CCDC141: variants seen among roughly 807,000 people sequenced by gnomAD.
The protein encoded by CCDC141 is coiled-coil domain containing 141.
CCDC141 carries 168 observed loss-of-function variants against 181.0 expected under a neutral mutation model. The observed-to-expected ratio is 0.93, with a 90% CI of 0.82 to 1.05. The LOEUF is 1.05. CCDC141 is among the 50% of genes least tolerant of loss of function. The pLI, the probability that CCDC141 is intolerant of heterozygous loss-of-function variation, is 0.00. For missense variants in CCDC141, 1,902 were observed against 1,788.5 expected (o/e 1.06, Z -1.14); for synonymous variants, 666 against 642.3 (o/e 1.04, Z -0.56).
At chr2:178,873,365 G>A (rs945364586) in intron 12 of CCDC141, 6 of 151,686 alleles carry the variant, frequency 4.0e-5, no homozygotes, top group African/African-American at 7.3e-5. Flanking sequence ...GTAATAAAAC[G>A]TTATATTCCC....
chr2:179,047,451 T>C (rs908360170), intron 1 of CCDC141, 45 bp from the exon 2 acceptor site: 2 of 1,423,164 alleles, frequency 1.4e-6, no homozygotes, highest in African/African-American at 2.9e-5. Context: ...TTCCTCTTGT[T>C]CCTTCCTCTT....
intron 8 of CCDC141, 107 bp downstream of exon 8, chr2:178,905,222 A>G: frequency 9.7e-7 from 1 of 1,034,908 alleles, no homozygotes; most frequent in Non-Finnish European, 1.4e-6. Context: ...ATCATAATGC[A>G]GCAAAACATC....
intron 4 of CCDC141, among the ~76,000 whole-genome samples, chr2:178,970,102 C>T (rs1482104344): frequency 6.6e-6 from 1 of 152,150 alleles, no homozygotes; most frequent in Non-Finnish European, 1.5e-5. Flanking sequence ...CTACCAACCA[C>T]CGCTCAAGGA....
chr2:178,860,766 G>A (rs567974295), intron 17 of CCDC141, among the ~76,000 whole-genome samples: 1 of 151,764 alleles, frequency 6.6e-6, no homozygotes, highest in African/African-American at 2.4e-5. Context: ...AGCCGCTAGC[G>A]GCTGAAAGTG....
intron 12 of CCDC141, chr2:178,875,044 G>A (rs1250554212): frequency 6.6e-6 from 1 of 152,130 alleles, no homozygotes; most frequent in Admixed American, 6.6e-5. Context: ...TGAGGGGACA[G>A]GACTACACTG....
At chr2:178,843,256 T>C (rs1165557230) in intron 22 of CCDC141, among the ~76,000 whole-genome samples, 1 of 152,206 alleles carries the variant, frequency 6.6e-6, no homozygotes, top group Non-Finnish European at 1.5e-5. Context: ...CTACTTTCTG[T>C]AATTTTTGGA....
Position 178,868,010 on chromosome 2 carries a change from G to T in CCDC141, c.2574+16C>A. ...GCTAGAACTGAGTCTAAATGATAGT[G>T]TTATTAGATGCTTACAGGCCGCTGC... On this transcript the variant is annotated intron_variant, in intron 16 of 23. Coordinates refer to ENST00000443758, the MANE Select transcript of CCDC141 (RefSeq NM_173648.4). The T allele has an allele frequency of 6.3e-7, 1 of 1,592,192 alleles. No homozygotes were observed. Among genetic ancestry groups the T allele is most frequent in the South Asian group, 1.1e-5 (1 of 89,470 alleles).
chr2:178,982,953 G>A (rs1691505072), intron 2 of CCDC141, among the ~76,000 whole-genome samples: 1 of 152,230 alleles, frequency 6.6e-6, no homozygotes, highest in African/African-American at 2.4e-5. Flanking sequence ...CGAACTGGAT[G>A]GAGCCCACCA....
At chr2:178,967,262 G>C (rs1259887152) in intron 4 of CCDC141, among the ~76,000 whole-genome samples, 2 of 152,216 alleles carry the variant, frequency 1.3e-5, no homozygotes, top group East Asian at 3.9e-4. Context: ...ACACCACAAA[G>C]ATATTCCTCG....
chr2:178,853,691 C>A (rs1260469155), intron 19 of CCDC141, 67 bp from the exon 20 acceptor site: 6 of 1,360,608 alleles, frequency 4.4e-6, no homozygotes, highest in Non-Finnish European at 6.0e-6. Flanking sequence ...TAATTTTGAC[C>A]AGTGAAGTAT....
At chr2:179,000,055 T>TACACACAC (rs67309651) in intron 2 of CCDC141, among the ~76,000 whole-genome samples, 10 of 144,358 alleles carry the variant, frequency 6.9e-5, no homozygotes, top group East Asian at 2.1e-4. Context: ...TTCATCACCA[T>TACACACAC]ACACACACAC....
intron 23 of CCDC141, 128 bp downstream of exon 23, chr2:178,836,766 A>G: frequency 6.1e-6 from 6 of 987,192 alleles, no homozygotes; most frequent in Non-Finnish European, 1.5e-6. Flanking sequence ...AGATTGAATC[A>G]TGCAGAGTTG....
intron 20 of CCDC141, 145 bp downstream of exon 20, chr2:178,853,296 T>C: frequency 1.5e-6 from 1 of 679,968 alleles, no homozygotes; most frequent in Non-Finnish European, 2.4e-6. Flanking sequence ...TCCCTGGCTG[T>C]GGGCTCTTAC....
intron 7 of CCDC141, among the ~76,000 whole-genome samples, chr2:178,917,293 A>G (rs747314632): frequency 1.3e-4 from 20 of 152,370 alleles, no homozygotes; most frequent in Middle Eastern, 3.4e-3. Context: ...AATTAGTTCA[A>G]TAGCTCCAGT....
intron 2 of CCDC141, among the ~76,000 whole-genome samples, chr2:179,013,808 A>G (rs1263299636): frequency 6.6e-6 from 1 of 151,828 alleles, no homozygotes; most frequent in Admixed American, 6.6e-5. Context: ...TCTACTAAAA[A>G]TTAGCCAGGT....
In CCDC141 at chr2:178,966,090, T is replaced by C. The variant is rs543064382; in HGVS notation, c.527-4607A>G. On this transcript the variant is annotated intron_variant, in intron 4 of 23. Coordinates refer to ENST00000443758, the MANE Select transcript of CCDC141 (RefSeq NM_173648.4). ...ATATTTCTCTTCTCTGGGCAGGGAA[T>C]TTCTGAAAAAAAGGCAGCCGCCCCA... Among the ~76,000 whole-genome samples the C allele has an allele frequency of 2.6e-5, 4 of 152,220 alleles. No homozygotes were observed. The East Asian group carries it at 7.7e-4, about 29-fold the overall frequency.
chr2:178,980,848 T>G (rs1257182682), intron 2 of CCDC141, among the ~76,000 whole-genome samples: 1 of 152,220 alleles, frequency 6.6e-6, no homozygotes, highest in Non-Finnish European at 1.5e-5. Context: ...GTATACAATT[T>G]TTAGTTGTCA....
chr2:178,871,056 G>T (rs1686098376), intron 14 of CCDC141, among the ~76,000 whole-genome samples: 1 of 152,066 alleles, frequency 6.6e-6, no homozygotes, highest in Non-Finnish European at 1.5e-5. Context: ...CAGAGCCTCT[G>T]GGTCCGAGGT....
In CCDC141 at chr2:178,918,706, C is replaced by T; in HGVS notation, c.1092+7G>A. 6.5e-7 allele frequency: 1 copy of T among 1,548,852 alleles called. No individual in the cohort carries two copies. The highest frequency in any genetic ancestry group is 1.2e-5 in the South Asian group (1 of 83,848). The stretch of plus-strand genomic sequence containing the variant: ...ACCGAAAATTATCAACTTGACCTCA[C>T]ACTGACCTTGTTAGCACTGTTAAAA... On this transcript the variant is annotated splice_region_variant and intron_variant, in intron 7 of 23. Coordinates refer to ENST00000443758, the MANE Select transcript of CCDC141 (RefSeq NM_173648.4).
Sources: gnomAD v4.1 joint callset for allele counts (sites outside exome capture counted in the v4.1 genomes callset) on GRCh38, gnomAD v4.1.1 for gene constraint, MANE v1.5 for transcripts, NCBI Gene and HGNC (gene_info 2026-07-23, HGNC 2026-07-21) for gene names.